Variants in LNX1 observed in about 807,000 individuals in gnomAD.
LNX1 encodes ligand of numb-protein X 1, also known as E3 ubiquitin-protein ligase LNX.
In LNX1, 54 loss-of-function variants were observed where a neutral mutation model predicts 68.4. That is an observed-to-expected ratio of 0.79 (90% CI 0.63 to 0.99). The LOEUF (loss-of-function observed/expected upper bound fraction) is 0.99, where lower values mean the gene tolerates loss of function less well. LNX1 is among the 50% of genes least tolerant of loss of function. LNX1 has a pLI of 0.00. For synonymous variants in LNX1, 336 were observed against 350.0 expected (o/e 0.96, Z 0.45); for missense variants, 906 against 926.4 (o/e 0.98, Z 0.29).
At chr4:53,578,339 C>T (rs1252434495) in intron 1 of LNX1, among the ~76,000 whole-genome samples, 4 of 152,216 alleles carry the variant, frequency 2.6e-5, no homozygotes, top group African/African-American at 9.7e-5. Context: ...CACTTACACA[C>T]ACCTTCACGG....
At chr4:53,651,134 C>T (rs1050511992) in intron 1 of LNX1, among the ~76,000 whole-genome samples, 1 of 152,156 alleles carries the variant, frequency 6.6e-6, no homozygotes, top group Non-Finnish European at 1.5e-5. Context: ...TCAGGCTATG[C>T]TCCTCTCCCC....
intron 6 of LNX1, among the ~76,000 whole-genome samples, chr4:53,485,406 G>T (rs796148090): frequency 3.9e-5 from 6 of 152,300 alleles, no homozygotes; most frequent in African/African-American, 1.4e-4. Flanking sequence ...GAATCAACTT[G>T]CCAGGCAAAA....
chr4:53,619,053 A>C (rs546452737), upstream of LNX1, among the ~76,000 whole-genome samples: 5 of 152,172 alleles, frequency 3.3e-5, no homozygotes, highest in African/African-American at 4.8e-5. Flanking sequence ...ACTCGACCTC[A>C]CTTTAGTCAC....
At chr4:53,598,031 C>T (rs1266146689) in intron 2 of LNX1, among the ~76,000 whole-genome samples, 2 of 152,104 alleles carry the variant, frequency 1.3e-5, no homozygotes, top group Non-Finnish European at 2.9e-5. Context: ...TGAGTCTCTG[C>T]GAGGTAAAGT....
At chr4:53,576,102 A>T in intron 1 of LNX1, 2 of 1,553,386 alleles carry the variant, frequency 1.3e-6, no homozygotes, top group Non-Finnish European at 1.7e-6. Context: ...CCAGCGTGGT[A>T]TTTGGGAGCC....
intron 6 of LNX1, among the ~76,000 whole-genome samples, chr4:53,489,914 T>C (rs1724567094): frequency 6.6e-6 from 1 of 152,190 alleles, no homozygotes; most frequent in South Asian, 2.1e-4. Context: ...TACAGATCTA[T>C]CAGCTTTTAT....
chr4:53,601,297 G>C (rs1733003440), intron 2 of LNX1, among the ~76,000 whole-genome samples: 1 of 152,068 alleles, frequency 6.6e-6, no homozygotes, highest in East Asian at 1.9e-4. Context: ...ATCAGCCCAG[G>C]GTGGCCAGAC....
intron 1 of LNX1, chr4:53,575,727 G>A (rs556939202): frequency 6.2e-6 from 9 of 1,443,580 alleles, no homozygotes; most frequent in Admixed American, 2.3e-5. Flanking sequence ...TCTGCTGTGG[G>A]GGCCACAGCT....
rs28525154 is a variant in LNX1, at chr4:53,535,792, T to C, written c.381-27565A>G. Among the ~76,000 whole-genome samples, 859 of 152,304 alleles carry C rather than the reference T, an allele frequency of 5.6e-3. 9 individuals carry two copies. Among genetic ancestry groups the C allele is most frequent in the African/African-American group, 0.019 (806 of 41,570 alleles). Reference sequence around the variant, plus strand: ...CACTTCCTCATTCATAGTAATTCAATAGATGAATTACTTCTCATTCATCTG... The same window carrying C: ...CACTTCCTCATTCATAGTAATTCAACAGATGAATTACTTCTCATTCATCTG... On this transcript the variant is annotated intron_variant, in intron 2 of 10. Coordinates refer to ENST00000263925, the MANE Select transcript of LNX1 (RefSeq NM_001126328.3).
chr4:53,494,864 C>T (rs1200028407), intron 6 of LNX1, among the ~76,000 whole-genome samples: 2 of 152,202 alleles, frequency 1.3e-5, no homozygotes, highest in African/African-American at 4.8e-5. Context: ...AGACACAAAA[C>T]TATCAGAACA....
rs1169129712 is a variant in LNX1, at chr4:53,496,331, A to C, written c.1042T>G (p.Cys348Gly). The change falls in exon 6 of 11, where the codon TGC becomes GGC. Residue 348 changes from cysteine to glycine, a missense_variant. By Grantham distance (159) the Cys-to-Gly change is radical. Coordinates refer to ENST00000263925, the MANE Select transcript of LNX1 (RefSeq NM_001126328.3). ...NYAVRLLRQPCQVLWLTVMRE... is the reference protein window; with the variant it reads ...NYAVRLLRQPGQVLWLTVMRE... ...ATCACAGTCAGCCACAGCACCTGGC[A>C]GGGCTGCCGCAGGAGACGCACAGCG... 1 of 1,614,178 alleles carries C rather than the reference A, an allele frequency of 6.2e-7. No homozygotes were observed. The highest frequency in any genetic ancestry group is 1.7e-5 in the Admixed American group (1 of 60,022).
chr4:53,625,833 C>A (rs1734050092), intron 1 of LNX1, among the ~76,000 whole-genome samples: 1 of 132,928 alleles, frequency 7.5e-6, no homozygotes, highest in African/African-American at 2.8e-5. Flanking sequence ...TATGACCCAG[C>A]AATTCCACCC....
chr4:53,632,859 G>T lies in LNX1; in HGVS notation c.-215+19309C>A, dbSNP rs183449392. ...GGAACTAGATTTTCAGGAATCATTT[G>T]TTTCTCCAGGTCTTCTTTAGTAGGT... is the stretch of plus-strand genomic sequence containing the variant. On this transcript the variant is annotated intron_variant, in intron 1 of 2. Transcript: ENST00000507168. Among the ~76,000 whole-genome samples, 186 of 152,224 alleles carry T rather than the reference G, an allele frequency of 1.2e-3. 2 individuals carry two copies. Among genetic ancestry groups the T allele is most frequent in the Non-Finnish European group, 1.5e-4 (10 of 67,986 alleles).
chr4:53,584,187 G>A (rs1319980746), intron 1 of LNX1, among the ~76,000 whole-genome samples: 1 of 151,974 alleles, frequency 6.6e-6, no homozygotes, highest in Non-Finnish European at 1.5e-5. Context: ...AGATAACCAA[G>A]TTTTACAGAG....
chr4:53,644,719 G>A (rs1560705743), intron 1 of LNX1, among the ~76,000 whole-genome samples: 4 of 152,204 alleles, frequency 2.6e-5, no homozygotes, highest in South Asian at 2.1e-4. Context: ...CACCAGCAGG[G>A]CCTCCTTGCC....
At chr4:53,498,396 GAT>G in intron 5 of LNX1, among the ~76,000 whole-genome samples, 1 of 152,222 alleles carries the variant, frequency 6.6e-6, no homozygotes, top group East Asian at 1.9e-4. Flanking sequence ...CAGACAAAAT[GAT>G]ATAGAGACAG....
intron 1 of LNX1, chr4:53,576,017 C>T (rs1441718984): frequency 6.4e-7 from 1 of 1,569,658 alleles, no homozygotes; most frequent in African/African-American, 1.3e-5. Context: ...CTTCCCCCCA[C>T]CAGCCTGAAG....
At chr4:53,502,757 TTTTATCAA>T (rs1405243181) in intron 4 of LNX1, among the ~76,000 whole-genome samples, 2 of 152,208 alleles carry the variant, frequency 1.3e-5, no homozygotes, top group Non-Finnish European at 2.9e-5. Context: ...AACCTTGCTG[TTTTATCAA>T]CTATGTTTAT....
At chr4:53,644,745 G>T (rs1734819930) in intron 1 of LNX1, among the ~76,000 whole-genome samples, 1 of 152,194 alleles carries the variant, frequency 6.6e-6, no homozygotes, top group African/African-American at 2.4e-5. Context: ...GCCAGGCAGA[G>T]ACTGGGAGGT....
Sources: gnomAD v4.1 joint callset for allele counts (sites outside exome capture counted in the v4.1 genomes callset) on GRCh38, gnomAD v4.1.1 for gene constraint, MANE v1.5 for transcripts, NCBI Gene and HGNC (gene_info 2026-07-23, HGNC 2026-07-21) for gene names.